ZNF717: variants seen among roughly 807,000 people sequenced by gnomAD.
ZNF717 encodes the protein krueppel-like factor X17.
A neutral mutation model predicts 13.8 loss-of-function variants in ZNF717; 9 were observed. The observed-to-expected ratio is 0.65, with a 90% CI of 0.39 to 1.14. The LOEUF is 1.14. Ranked by LOEUF, ZNF717 falls within the 50% of genes most tolerant of loss-of-function variation. ZNF717 has a pLI of 0.01. For missense variants in ZNF717, 1,040 were observed against 1,080.7 expected, an observed-to-expected ratio of 0.96 and a Z score of 0.53; for synonymous variants, 327 against 364.1, an observed-to-expected ratio of 0.90 and a Z score of 1.16.
downstream of ZNF717, among the ~76,000 whole-genome samples, chr3:75,734,817 A>ATAT (rs1938959984): frequency 1.7e-5 from 1 of 57,550 alleles, no homozygotes; most frequent in African/African-American, 6.4e-5. Context: ...ATATATATAT[A>ATAT]TTTTTTTTTT....
At chr3:75,747,590 G>A (rs1410119009) in intron 2 of ZNF717, among the ~76,000 whole-genome samples, 29 of 152,102 alleles carry the variant, frequency 1.9e-4, no homozygotes, top group African/African-American at 6.8e-4. Context: ...ATTGTAAGTT[G>A]GATTCCTAGG....
intron 2 of ZNF717, among the ~76,000 whole-genome samples, chr3:75,756,629 T>TA (rs1214328283): frequency 4.1e-5 from 2 of 48,604 alleles, no homozygotes; most frequent in Admixed American, 2.3e-4. Flanking sequence ...ATAGAAGATT[T>TA]AAAAAAAATT....
chr3:75,769,117 C>A (rs1943712238), intron 2 of ZNF717, among the ~76,000 whole-genome samples: 1 of 152,186 alleles, frequency 6.6e-6, no homozygotes, highest in South Asian at 2.1e-4. Flanking sequence ...TAATCACCTT[C>A]CCCCCTTGAA....
chr3:75,723,787 C>G (rs1198847472), intron 4 of ZNF717, among the ~76,000 whole-genome samples: 1 of 152,166 alleles, frequency 6.6e-6, no homozygotes, highest in Non-Finnish European at 1.5e-5. Context: ...CCTGGGAAGG[C>G]ACCGGTTACT....
chr3:75,697,085 G>C (rs1937612316), intron 6 of ZNF717, among the ~76,000 whole-genome samples: 1 of 152,312 alleles, frequency 6.6e-6, no homozygotes, highest in Non-Finnish European at 1.5e-5. Context: ...ACTAAGTGGG[G>C]AAAAACTAAA....
intron 4 of ZNF717, among the ~76,000 whole-genome samples, chr3:75,722,590 G>A (rs76263251): frequency 2.4e-4 from 37 of 151,704 alleles, no homozygotes; most frequent in African/African-American, 7.0e-4. Flanking sequence ...TGAGGCGGGC[G>A]GATCACTTGA....
chr3:75,753,529 C>T, intron 2 of ZNF717, among the ~76,000 whole-genome samples: 1 of 150,936 alleles, frequency 6.6e-6, no homozygotes, highest in Non-Finnish European at 1.5e-5. Context: ...CAGAATACTG[C>T]TGCTGGGTTT....
exon 6 of ZNF717, chr3:75,711,123 T>C (rs2106835948): frequency 6.6e-6 from 1 of 152,338 alleles, no homozygotes; most frequent in Admixed American, 6.5e-5. Flanking sequence ...ACCAAGGTTT[T>C]CAATGGTATT....
chr3:75,717,010 T>C (rs76567839), intron 4 of ZNF717, among the ~76,000 whole-genome samples: 1 of 151,580 alleles, frequency 6.6e-6, no homozygotes, highest in Non-Finnish European at 1.5e-5. Flanking sequence ...CAGCACACAA[T>C]TGCAGACACT....
chr3:75,768,006 CAA>C (rs1943613894), intron 2 of ZNF717, among the ~76,000 whole-genome samples: 1 of 152,120 alleles, frequency 6.6e-6, no homozygotes, highest in Admixed American at 6.5e-5. Context: ...TGGAGAATGA[CAA>C]GAGCCCAGAG....
chr3:75,738,818 C>G lies in ZNF717; in HGVS notation c.805G>C (p.Asp269His), dbSNP rs1478025931. 1.8e-5 allele frequency: 28 copies of G among 1,552,244 alleles called. No individual in the cohort carries two copies. The East Asian group carries it at 6.3e-4, about 35-fold the overall frequency. The change falls in exon 5 of 5, where the codon GAC becomes CAC. Residue 269 changes from aspartate to histidine, a missense_variant. Coordinates refer to ENST00000652011, the MANE Select transcript of ZNF717 (RefSeq NM_001290208.3). Reference sequence around the variant, plus strand: ...TGTGTCTGCTGATGTTTAGTGAAGTCAGACTTTCTACAGCAAGTTGGCTGT... The same window carrying G: ...TGTGTCTGCTGATGTTTAGTGAAGTGAGACTTTCTACAGCAAGTTGGCTGT... ...VGQPTCCRKSDFTKHQQTHTG... is the reference protein window; with the variant it reads ...VGQPTCCRKSHFTKHQQTHTG...
chr3:75,777,284 G>A (rs1944397777), intron 2 of ZNF717, among the ~76,000 whole-genome samples: 2 of 152,086 alleles, frequency 1.3e-5, no homozygotes, highest in Admixed American at 1.3e-4. Context: ...CCAAAACAAT[G>A]GGAGTGACAT....
Position 75,737,953 on chromosome 3 carries a change from T to C in ZNF717, c.1670A>G (p.His557Arg). 2.4e-5 allele frequency: 37 copies of C among 1,555,074 alleles called. No homozygotes were observed. Among genetic ancestry groups the C allele is most frequent in the Non-Finnish European group, 3.2e-5 (37 of 1,149,222 alleles). Residue 557 changes from histidine (H) to arginine (R), a missense_variant, in exon 5 of 5, where the codon CAC becomes CGC. Around this residue, in one of 3 missense-constraint regions of ZNF717, gnomAD observed 873 missense variants for 832.8 expected, o/e 1.05. Transcript: ENST00000652011. Reference sequence around the variant, plus strand: ...ACATTCATAGGGTTTTTCCCCTGTGTGAGTTCTGTGATGTACTGTAAGGTA... The same window carrying C: ...ACATTCATAGGGTTTTTCCCCTGTGCGAGTTCTGTGATGTACTGTAAGGTA... ...KSYLTVHHRT[H>R]TGEKPYECNE... is the part of the protein sequence containing the mutation.
chr3:75,704,170 G>T (rs1489878603), intron 6 of ZNF717, among the ~76,000 whole-genome samples: 1 of 148,994 alleles, frequency 6.7e-6, no homozygotes, highest in Non-Finnish European at 1.5e-5. Context: ...ACTAACAAAA[G>T]ACAATGCACT....
chr3:75,774,253 A>G (rs1408868962), intron 2 of ZNF717, among the ~76,000 whole-genome samples: 6 of 151,958 alleles, frequency 3.9e-5, no homozygotes, highest in Non-Finnish European at 8.8e-5. Context: ...CCCTCTATCA[A>G]TGAGTAAAGA....
downstream of ZNF717, among the ~76,000 whole-genome samples, chr3:75,725,236 G>T (rs1318863184): frequency 1.1e-5 from 1 of 90,732 alleles, no homozygotes; most frequent in Non-Finnish European, 2.2e-5. Flanking sequence ...CCGTTATCTT[G>T]TTCGCTTCCA....
rs1337230750 is a variant in ZNF717, at chr3:75,737,502, A to G, written c.2121T>C (p.Asn707=). The part of the protein sequence containing the change: ...TPGKSPMNVM[N]VENPFIRRQI... ...GCCTTCTGATGAAAGGATTTTCCAC[A>G]TTCATTACATTCATAGGGCTTTTCC... The change falls in exon 5 of 5, where the codon AAT becomes AAC. Residue 707 remains asparagine, a synonymous_variant. Transcript: ENST00000652011. The G allele has an allele frequency of 6.4e-7, 1 of 1,554,220 alleles. No individual in the cohort carries two copies. The highest frequency in any genetic ancestry group is 8.7e-7 in the Non-Finnish European group (1 of 1,148,470).
intron 2 of ZNF717, among the ~76,000 whole-genome samples, chr3:75,780,407 G>A (rs1362414861): frequency 6.6e-6 from 1 of 152,158 alleles, no homozygotes; most frequent in Non-Finnish European, 1.5e-5. Context: ...TAAAAAGGAG[G>A]AATTATTTTT....
At chr3:75,703,211 A>G (rs1575711976) in intron 6 of ZNF717, among the ~76,000 whole-genome samples, 1 of 152,308 alleles carries the variant, frequency 6.6e-6, no homozygotes, top group African/African-American at 2.4e-5. Flanking sequence ...CTCCCTGCTC[A>G]ACAGCAGGAA....
Sources: allele counts gnomAD v4.1 joint callset (sites outside exome capture counted in the v4.1 genomes callset), GRCh38; gene constraint gnomAD v4.1.1; regional missense constraint gnomAD v4.1.1; transcripts MANE v1.5; gene names NCBI Gene and HGNC (gene_info 2026-07-23, HGNC 2026-07-21).